The following PLCB4 variants were observed in gnomAD, a reference collection of about 807,000 sequenced individuals.
PLCB4 encodes 1-phosphatidylinositol 4,5-bisphosphate phosphodiesterase beta-4.
A neutral mutation model predicts 178.8 loss-of-function variants in PLCB4; 77 were observed. That is an observed-to-expected ratio of 0.43 (90% CI 0.36 to 0.52). The LOEUF is 0.52. Ranked by LOEUF, PLCB4 falls within the 20% of genes least tolerant of loss-of-function variation. The pLI, the probability that PLCB4 is intolerant of heterozygous loss-of-function variation, is 0.00. For missense variants in PLCB4, 1,024 were observed against 1,453.4 expected, an observed-to-expected ratio of 0.70 and a Z score of 4.80; for synonymous variants, 496 against 490.8, an observed-to-expected ratio of 1.01 and a Z score of -0.14.
At chr20:9,105,944 G>A (rs901459962) in intron 2 of PLCB4, among the ~76,000 whole-genome samples, 42 of 152,060 alleles carry the variant, frequency 2.8e-4, no homozygotes, top group African/African-American at 8.4e-4. Context: ...ATTTAAAAAT[G>A]TGACTACATA....
chr20:9,411,997 T>C (rs2148517471), intron 25 of PLCB4, among the ~76,000 whole-genome samples: 1 of 152,320 alleles, frequency 6.6e-6, no homozygotes, highest in African/African-American at 2.4e-5. Context: ...GCACTCTGCC[T>C]CCCTCTGCCA....
chr20:9,088,862 T>C (rs2090555762), intron 1 of PLCB4, among the ~76,000 whole-genome samples: 1 of 152,100 alleles, frequency 6.6e-6, no homozygotes, highest in Non-Finnish European at 1.5e-5. Flanking sequence ...TATATGTAAA[T>C]GTGTACTTTT....
intron 1 of PLCB4, among the ~76,000 whole-genome samples, chr20:9,083,395 A>T (rs1030050046): frequency 6.1e-5 from 9 of 147,032 alleles, no homozygotes; most frequent in African/African-American, 2.2e-4. Flanking sequence ...ACACACACAC[A>T]CCGCAGGTGC....
chr20:9,312,619 A>G (rs2094850085), intron 4 of PLCB4, among the ~76,000 whole-genome samples: 1 of 152,178 alleles, frequency 6.6e-6, no homozygotes, highest in South Asian at 2.1e-4. Flanking sequence ...CAGGCTGTTC[A>G]TCAGCAAAGC....
chr20:9,094,858 A>C (rs957250918), intron 1 of PLCB4, among the ~76,000 whole-genome samples: 13 of 152,168 alleles, frequency 8.5e-5, no homozygotes, highest in African/African-American at 3.1e-4. Flanking sequence ...TGGCTTTCTT[A>C]GCTATCTTGG....
At chr20:9,201,076 A>G (rs1390349617) in intron 2 of PLCB4, among the ~76,000 whole-genome samples, 1 of 152,234 alleles carries the variant, frequency 6.6e-6, no homozygotes, top group Non-Finnish European at 1.5e-5. Flanking sequence ...GTTTTCTTAA[A>G]GTACAAACAG....
At chr20:9,424,885 CTGTT>C (rs2040888112) in intron 28 of PLCB4, among the ~76,000 whole-genome samples, 1 of 152,120 alleles carries the variant, frequency 6.6e-6, no homozygotes, top group African/African-American at 2.4e-5. Context: ...GATAATTTTG[CTGTT>C]TGTTTTTAGT....
At chr20:9,131,606 A>G (rs1055077520) in intron 2 of PLCB4, among the ~76,000 whole-genome samples, 2 of 152,132 alleles carry the variant, frequency 1.3e-5, no homozygotes, top group African/African-American at 4.8e-5. Context: ...GTAGTCACTG[A>G]TTTTTAATAA....
intron 3 of PLCB4, among the ~76,000 whole-genome samples, chr20:9,283,602 T>A (rs1452428307): frequency 6.6e-6 from 1 of 151,924 alleles, no homozygotes; most frequent in Admixed American, 6.6e-5. Context: ...TTTCTACCCT[T>A]TTCTCTCCTG....
intron 1 of PLCB4, among the ~76,000 whole-genome samples, chr20:9,072,323 ATTTG>A (rs1411656619): frequency 6.6e-6 from 1 of 151,806 alleles, no homozygotes; most frequent in Non-Finnish European, 1.5e-5. Context: ...ATTCCTTAGT[ATTTG>A]TTTGTTTAAT....
intron 3 of PLCB4, among the ~76,000 whole-genome samples, chr20:9,265,153 A>AC (rs2094336390): frequency 1.3e-5 from 2 of 152,126 alleles, no homozygotes; most frequent in African/African-American, 4.8e-5. Context: ...AGTATTAGGG[A>AC]CCATCAGTGA....
intron 2 of PLCB4, among the ~76,000 whole-genome samples, chr20:9,216,506 T>G (rs534339957): frequency 6.6e-6 from 1 of 151,668 alleles, no homozygotes; most frequent in Non-Finnish European, 1.5e-5. Context: ...CGTGAGCCAC[T>G]GCGCCCGGCC....
At chr20:9,176,466 G>A (rs2093156701) in intron 2 of PLCB4, among the ~76,000 whole-genome samples, 1 of 152,120 alleles carries the variant, frequency 6.6e-6, no homozygotes, top group South Asian at 2.1e-4. Flanking sequence ...AGCAGTATCT[G>A]AGTATTTTCA....
chr20:9,418,957 G>T (rs1401493268), intron 25 of PLCB4, among the ~76,000 whole-genome samples: 2 of 151,780 alleles, frequency 1.3e-5, no homozygotes, highest in Non-Finnish European at 2.9e-5. Flanking sequence ...TTTCATTTTT[G>T]CATGTTCATT....
chr20:9,083,286 A>G (rs181903630), intron 1 of PLCB4, among the ~76,000 whole-genome samples: 2 of 152,182 alleles, frequency 1.3e-5, no homozygotes, highest in South Asian at 2.1e-4. Context: ...AGTGCTTACC[A>G]ATAACTGCTT....
chr20:9,107,608 C>A (rs1316373503), intron 2 of PLCB4, among the ~76,000 whole-genome samples: 1 of 151,960 alleles, frequency 6.6e-6, no homozygotes, highest in Non-Finnish European at 1.5e-5. Flanking sequence ...AGCAAGGAAG[C>A]CCCGGATTGA....
intron 2 of PLCB4, among the ~76,000 whole-genome samples, chr20:9,178,443 C>T (rs912841420): frequency 1.3e-5 from 2 of 151,858 alleles, no homozygotes; most frequent in Non-Finnish European, 2.9e-5. Context: ...ATTTTATCAG[C>T]ACTTATGTGA....
intron 36 of PLCB4, among the ~76,000 whole-genome samples, chr20:9,472,488 A>G (rs1824624842): frequency 6.6e-6 from 1 of 152,220 alleles, no homozygotes; most frequent in South Asian, 2.1e-4. Flanking sequence ...GAATAAGGAA[A>G]ACTGAATCAG....
chr20:9,078,175 C>T (rs1305903510), intron 1 of PLCB4, among the ~76,000 whole-genome samples: 19 of 151,918 alleles, frequency 1.3e-4, no homozygotes, highest in African/African-American at 4.1e-4. Context: ...GAGACAGGGT[C>T]TCGCTATGTT....
Sources: allele counts gnomAD v4.1 joint callset (sites outside exome capture counted in the v4.1 genomes callset), GRCh38; gene constraint gnomAD v4.1.1; transcripts MANE v1.5; gene names NCBI Gene and HGNC (gene_info 2026-07-23, HGNC 2026-07-21).